Variants in CDK5RAP2 observed in about 807,000 individuals in gnomAD.
The protein encoded by CDK5RAP2 is CDK5 regulatory subunit associated protein 2.
CDK5RAP2 carries 147 observed loss-of-function variants against 232.9 expected under a neutral mutation model. That is an observed-to-expected ratio of 0.63 (90% CI 0.55 to 0.72). CDK5RAP2 has a LOEUF of 0.72. CDK5RAP2 is among the 30% of genes least tolerant of loss of function. The probability of loss-of-function intolerance (pLI) is 0.00; values close to 1 mark genes in which losing one functional copy is unlikely to be tolerated. For synonymous variants in CDK5RAP2, 833 were observed against 833.7 expected, an observed-to-expected ratio of 1.00 and a Z score of 0.01; for missense variants, 2,195 against 2,231.5, an observed-to-expected ratio of 0.98 and a Z score of 0.33.
rs763240159 is a variant in CDK5RAP2, at chr9:120,539,118, G to T, written c.430C>A (p.Arg144=). 3.7e-6 allele frequency: 6 copies of T among 1,613,846 alleles called. No homozygotes were observed. Among genetic ancestry groups the T allele is most frequent in the Non-Finnish European group, 5.1e-6 (6 of 1,179,842 alleles). Residue 144 remains arginine, a synonymous_variant, in exon 6 of 38, where the codon CGG becomes AGG. Transcript: ENST00000349780. ...LAEAGGSEIQ[R]VKEDARKKVQ... ...TTCTTTCGAGCATCTTCTTTCACCCGCTGGATTTCAGAGCCACCTGCTTCA... is the reference window on the plus strand; with the variant it reads ...TTCTTTCGAGCATCTTCTTTCACCCTCTGGATTTCAGAGCCACCTGCTTCA...
At chr9:120,440,758 C>T (rs1813913116) in intron 23 of CDK5RAP2, among the ~76,000 whole-genome samples, 1 of 152,166 alleles carries the variant, frequency 6.6e-6, no homozygotes, top group African/African-American at 2.4e-5. Context: ...TAGTACAGAA[C>T]CTAACCCAGA....
At chr9:120,401,343 G>A (rs78763845) in intron 34 of CDK5RAP2, among the ~76,000 whole-genome samples, 182 of 152,170 alleles carry the variant, frequency 1.2e-3, no homozygotes, top group African/African-American at 4.2e-3. Context: ...CAAATTGGGC[G>A]GTATCAAGGG....
Position 120,470,147 on chromosome 9 carries a change from T to C in CDK5RAP2, c.1932A>G (p.Gln644=). ...GTTCTTCTTGAGAAAAATGTTCCAC[T>C]TGAAACCGATTGTTTTCTTCAAGGC... ...SICLEENNRF[Q]VEHFSQEELK... The change falls in exon 17 of 38, where the codon CAA becomes CAG. Residue 644 remains glutamine (Q), a synonymous_variant. Transcript: ENST00000349780. 6.3e-7 allele frequency: 1 copy of C among 1,590,824 alleles called. No homozygotes were observed.
intron 12 of CDK5RAP2, among the ~76,000 whole-genome samples, chr9:120,498,017 G>C (rs1258911635): frequency 6.6e-6 from 1 of 152,154 alleles, no homozygotes; most frequent in Non-Finnish European, 1.5e-5. Context: ...TGCTCTCCCA[G>C]GATGGATTGT....
At chr9:120,520,236 T>C (rs1032147597) in intron 11 of CDK5RAP2, among the ~76,000 whole-genome samples, 6 of 152,222 alleles carry the variant, frequency 3.9e-5, no homozygotes, top group Non-Finnish European at 7.3e-5. Context: ...ACAAACTGAA[T>C]ACACTCATAT....
At chr9:120,572,215 C>T (rs529144676) in intron 1 of CDK5RAP2, among the ~76,000 whole-genome samples, 174 bp from the exon 2 acceptor site, 3 of 152,272 alleles carry the variant, frequency 2.0e-5, no homozygotes, top group Non-Finnish European at 4.4e-5. Context: ...GGGCTGAGTT[C>T]CAGCTCCAAC....
intron 12 of CDK5RAP2, among the ~76,000 whole-genome samples, chr9:120,518,208 TGTGA>T (rs1273333544): frequency 2.9e-4 from 32 of 111,490 alleles, no homozygotes; most frequent in South Asian, 6.5e-4. Flanking sequence ...TGTGTGTGTG[TGTGA>T]GAGAGAGAGA....
At chr9:120,500,554 T>C (rs1416303556) in intron 12 of CDK5RAP2, among the ~76,000 whole-genome samples, 1 of 152,264 alleles carries the variant, frequency 6.6e-6, no homozygotes, top group Non-Finnish European at 1.5e-5. Context: ...TGATTGCCAA[T>C]CATGCTTCTA....
intron 25 of CDK5RAP2, among the ~76,000 whole-genome samples, chr9:120,437,019 G>A (rs970435622): frequency 6.6e-6 from 1 of 152,202 alleles, no homozygotes; most frequent in Admixed American, 6.5e-5. Context: ...TGCTGAGTGA[G>A]AGGCAGTGCC....
intron 18 of CDK5RAP2, among the ~76,000 whole-genome samples, chr9:120,467,100 C>T (rs1396433877): frequency 6.6e-6 from 1 of 152,236 alleles, no homozygotes; most frequent in East Asian, 1.9e-4. Context: ...TCCCATTGTG[C>T]AGCCCAGGTC....
intron 21 of CDK5RAP2, among the ~76,000 whole-genome samples, chr9:120,450,333 G>A (rs563539202): frequency 2.0e-5 from 3 of 152,304 alleles, no homozygotes; most frequent in African/African-American, 4.8e-5. Flanking sequence ...AAGTAGATTC[G>A]TGGTTGCCTA....
intron 11 of CDK5RAP2, among the ~76,000 whole-genome samples, chr9:120,524,655 T>A (rs1318213776): frequency 1.3e-5 from 2 of 151,708 alleles, no homozygotes; most frequent in African/African-American, 2.4e-5. Flanking sequence ...AAAAAAAATT[T>A]AAAAACACAA....
intron 12 of CDK5RAP2, among the ~76,000 whole-genome samples, chr9:120,511,943 G>A (rs114691073): frequency 0.013 from 2,027 of 152,054 alleles, 33 homozygotes; most frequent in African/African-American, 0.046. Context: ...TCACCATGTC[G>A]ACCAGGCTGG....
intron 18 of CDK5RAP2, among the ~76,000 whole-genome samples, chr9:120,464,820 T>C (rs2037286126): frequency 6.6e-6 from 1 of 152,122 alleles, no homozygotes; most frequent in Non-Finnish European, 1.5e-5. Context: ...GCCAGAACTA[T>C]GCCAAGGGCT....
At position 120,579,801 on chromosome 9, in the gene CDK5RAP2, C is replaced by G. The variant is rs142963093; in HGVS notation, c.59+119G>C. 89 of 805,454 alleles carry G rather than the reference C, an allele frequency of 1.1e-4. No individual in the cohort carries two copies. In the African/African-American group the frequency reaches 1.2e-3, roughly 11 times the overall value. 49.9% of individuals were successfully genotyped at this position (805,454 alleles called of 1,614,324 possible). A position where few individuals can be genotyped will look rare whatever the true frequency, so the allele number is the denominator to read the frequency against. On this transcript the variant is annotated intron_variant, in intron 1 of 37. Coordinates refer to ENST00000349780, the MANE Select transcript of CDK5RAP2 (RefSeq NM_018249.6). ...AGAGACCCTCTCCGAAGGAACCCACCCCACACACTGCCCCTGGCCAGACAC... is the reference window on the plus strand; with the variant it reads ...AGAGACCCTCTCCGAAGGAACCCACGCCACACACTGCCCCTGGCCAGACAC...
chr9:120,492,624 A>C (rs538662559), intron 12 of CDK5RAP2, among the ~76,000 whole-genome samples: 1 of 152,302 alleles, frequency 6.6e-6, no homozygotes, highest in Admixed American at 6.5e-5. Context: ...AACAGACAGA[A>C]ATTGTTCCAA....
chr9:120,546,758 T>A (rs959046600), intron 4 of CDK5RAP2, among the ~76,000 whole-genome samples: 1 of 151,992 alleles, frequency 6.6e-6, no homozygotes, highest in South Asian at 2.1e-4. Flanking sequence ...CTCAACCTCC[T>A]GAGTATCTGG....
rs970305222 is a variant in CDK5RAP2 at position 120,403,539 on chromosome 9, G to A, written c.5042-468C>T. The A allele has an allele frequency of 6.2e-5, 17 of 273,410 alleles. No homozygotes were observed. Among genetic ancestry groups the A allele is most frequent in the Admixed American group, 1.0e-4 (2 of 19,854 alleles). The allele number at this position is 273,410 out of a possible 1,614,324, so 16.9% of individuals were successfully genotyped here. ...ATTGAGCAAGTAGCAAGAATTACAC[G>A]AATGATGAGTCATTCTGACCAAGGA... On this transcript the variant is annotated intron_variant, in intron 33 of 37. Coordinates refer to ENST00000349780, the MANE Select transcript of CDK5RAP2 (RefSeq NM_018249.6). This position sits in a 1 kb window ranked among gnomAD's most constrained non-coding sequence, Gnocchi z 4.2.
At chr9:120,489,464 C>T (rs1417565952) in intron 13 of CDK5RAP2, among the ~76,000 whole-genome samples, 1 of 152,112 alleles carries the variant, frequency 6.6e-6, no homozygotes, top group Non-Finnish European at 1.5e-5. Flanking sequence ...TTCTGGAACT[C>T]CTATTAGTCA....
Sources: allele counts gnomAD v4.1 joint callset (sites outside exome capture counted in the v4.1 genomes callset), GRCh38; gene constraint gnomAD v4.1.1; non-coding constraint Gnocchi (gnomAD v3.1); transcripts MANE v1.5; gene names NCBI Gene and HGNC (gene_info 2026-07-23, HGNC 2026-07-21).